DCC: variants seen among roughly 807,000 people sequenced by gnomAD.
DCC encodes the protein netrin receptor DCC.
A neutral mutation model predicts 172.5 loss-of-function variants in DCC; 58 were observed. The ratio of observed to expected loss-of-function variants is 0.34; its 90% CI spans 0.27 to 0.42. The LOEUF (loss-of-function observed/expected upper bound fraction) is 0.42. Ranked by LOEUF, DCC falls within the 10% of genes least tolerant of loss-of-function variation. The pLI is 1.00. For synonymous variants in DCC, 709 were observed against 644.5 expected (o/e 1.10, Z -1.52); for missense variants, 1,740 against 1,791.0 (o/e 0.97, Z 0.51).
intron 24 of DCC, among the ~76,000 whole-genome samples, chr18:53,461,077 T>C (rs1296328859): frequency 3.9e-5 from 6 of 152,236 alleles, no homozygotes; most frequent in Non-Finnish European, 1.5e-5. Flanking sequence ...CATAAATGTC[T>C]TCTTTTGAGA....
At chr18:53,340,818 T>C (rs146572859) in intron 15 of DCC, among the ~76,000 whole-genome samples, 1,707 of 152,252 alleles carry the variant, frequency 0.011, 14 homozygotes, top group Middle Eastern at 0.02. Flanking sequence ...TGCAGCTTGA[T>C]TGGGCAGGCA....
intron 1 of DCC, among the ~76,000 whole-genome samples, chr18:52,373,144 C>A (rs13380948): frequency 6.6e-6 from 1 of 151,894 alleles, no homozygotes; most frequent in African/African-American, 2.4e-5. Context: ...GGAGAAGATA[C>A]GTGAATTTAG....
At chr18:53,053,337 C>T (rs1357941521) in intron 5 of DCC, among the ~76,000 whole-genome samples, 2 of 152,080 alleles carry the variant, frequency 1.3e-5, no homozygotes, top group Non-Finnish European at 2.9e-5. Context: ...CTGTTTTACT[C>T]CAGAAACACT....
rs1361706136 is a variant in DCC at position 53,531,565 on chromosome 18, C to A, written c.*912C>A. ...CCAGAAGAATGCCCCCACCCCTTCA[C>A]CCCATCCCTCCCTGAGTTCTCCTTG... is the stretch of plus-strand genomic sequence containing the variant. On this transcript the variant is annotated 3_prime_UTR_variant, in exon 29 of 29. Transcript: ENST00000442544. The A allele has an allele frequency of 6.6e-6, 1 of 152,590 alleles. No individual in the cohort carries two copies. Among genetic ancestry groups the A allele is most frequent in the South Asian group, 2.1e-4 (1 of 4,832 alleles). 9.5% of individuals were successfully genotyped at this position (152,590 alleles called of 1,614,324 possible).
At position 53,202,301 on chromosome 18, in the gene DCC, A is replaced by G. The variant is rs1471189197; in HGVS notation, c.1574-2915A>G. ...CATGTCACAGGGACAGAGAAAAACGATTAAAAAGAGCTTCCCTAGTTGAAT... is the reference window on the plus strand; with the variant it reads ...CATGTCACAGGGACAGAGAAAAACGGTTAAAAAGAGCTTCCCTAGTTGAAT... On this transcript the variant is annotated intron_variant, in intron 9 of 28. Coordinates refer to ENST00000442544, the MANE Select transcript of DCC (RefSeq NM_005215.4). 2.6e-5 allele frequency among the ~76,000 whole-genome samples: 4 copies of G among 152,170 alleles called. No individual in the cohort carries two copies. In the East Asian group the frequency reaches 7.7e-4, roughly 29 times the overall value.
intron 8 of DCC, among the ~76,000 whole-genome samples, chr18:53,162,515 A>C (rs1247449963): frequency 6.6e-6 from 1 of 152,118 alleles, no homozygotes; most frequent in African/African-American, 2.4e-5. Flanking sequence ...TTTCTCATTC[A>C]CAGAATTAAC....
chr18:52,523,964 C>T (rs1235043780), intron 1 of DCC, among the ~76,000 whole-genome samples: 2 of 152,150 alleles, frequency 1.3e-5, no homozygotes, highest in Non-Finnish European at 2.9e-5. Flanking sequence ...ATAAATGCTT[C>T]CTGCTCTTCT....
At chr18:53,325,196 CAAA>C (rs750007696) in intron 14 of DCC, among the ~76,000 whole-genome samples, 2 of 65,102 alleles carry the variant, frequency 3.1e-5, no homozygotes, top group Admixed American at 2.0e-4. Flanking sequence ...GACTCCATCT[CAAA>C]AAAAAAAAAA....
At chr18:52,853,220 G>T (rs1383863504) in intron 2 of DCC, among the ~76,000 whole-genome samples, 2 of 152,096 alleles carry the variant, frequency 1.3e-5, no homozygotes, top group African/African-American at 4.8e-5. Flanking sequence ...CAAAGCAGAT[G>T]GTCAGGTTCA....
chr18:52,839,578 A>T (rs539914382), intron 2 of DCC, among the ~76,000 whole-genome samples: 1 of 152,198 alleles, frequency 6.6e-6, no homozygotes, highest in Admixed American at 6.5e-5. Context: ...TCTTGACAAC[A>T]TTGCTGAATA....
At chr18:53,379,440 T>A (rs1368889224) in intron 15 of DCC, among the ~76,000 whole-genome samples, 1 of 152,252 alleles carries the variant, frequency 6.6e-6, no homozygotes, top group Non-Finnish European at 1.5e-5. Context: ...CCAGCTTTTG[T>A]CGCCAAGTAC....
At chr18:52,455,931 A>G (rs1988443691) in intron 1 of DCC, among the ~76,000 whole-genome samples, 1 of 152,170 alleles carries the variant, frequency 6.6e-6, no homozygotes, top group Non-Finnish European at 1.5e-5. Context: ...AAATTCTGGT[A>G]TCTCCATATG....
intron 14 of DCC, among the ~76,000 whole-genome samples, chr18:53,327,024 A>G (rs1413457530): frequency 2.6e-5 from 4 of 152,154 alleles, no homozygotes; most frequent in African/African-American, 9.7e-5. Context: ...CAAGTCAGCT[A>G]AACAGAAACA....
chr18:53,130,918 A>T (rs1005150336), intron 7 of DCC, among the ~76,000 whole-genome samples: 5 of 152,054 alleles, frequency 3.3e-5, no homozygotes, highest in African/African-American at 1.2e-4. Flanking sequence ...TGTACACGGG[A>T]TGTTCAGATT....
intron 15 of DCC, among the ~76,000 whole-genome samples, chr18:53,350,032 G>T (rs1020014045): frequency 1.3e-5 from 2 of 151,810 alleles, no homozygotes; most frequent in African/African-American, 4.8e-5. Context: ...CAATGGAAAA[G>T]ATAAAAAGTA....
chr18:53,305,820 G>T (rs2057193705), intron 13 of DCC, 101 bp downstream of exon 13: 1 of 1,257,864 alleles, frequency 7.9e-7, no homozygotes, highest in African/African-American at 1.5e-5. Context: ...TTTCTTCCTG[G>T]CATCCAGGCA....
chr18:53,201,301 A>T (rs2055532985), intron 9 of DCC, among the ~76,000 whole-genome samples: 1 of 152,180 alleles, frequency 6.6e-6, no homozygotes, highest in Non-Finnish European at 1.5e-5. Flanking sequence ...TTCACAACAA[A>T]GAACACCCTT....
intron 1 of DCC, among the ~76,000 whole-genome samples, chr18:52,671,397 T>C (rs1479314834): frequency 6.6e-5 from 10 of 152,180 alleles, no homozygotes; most frequent in Middle Eastern, 3.2e-3. Context: ...TTTAATGTTA[T>C]CTGCCAAGTG....
At chr18:52,815,772 T>TATGATATATCTCCA (rs1471915053) in intron 2 of DCC, among the ~76,000 whole-genome samples, 2 of 152,228 alleles carry the variant, frequency 1.3e-5, no homozygotes, top group Non-Finnish European at 2.9e-5. Flanking sequence ...ATTAGATAAC[T>TATGATATATCTCCA]ATGATATATC....
Sources: allele counts gnomAD v4.1 joint callset (sites outside exome capture counted in the v4.1 genomes callset), GRCh38; gene constraint gnomAD v4.1.1; transcripts MANE v1.5; gene names NCBI Gene and HGNC (gene_info 2026-07-23, HGNC 2026-07-21).